PMPCB: variants seen among roughly 807,000 people sequenced by gnomAD.
PMPCB encodes the protein mitochondrial-processing peptidase subunit beta.
In PMPCB, 46 loss-of-function variants were observed where a neutral mutation model predicts 61.5. The observed-to-expected ratio is 0.75, with a 90% CI of 0.59 to 0.96. PMPCB has a LOEUF of 0.96. Among genes scored for constraint, PMPCB ranks in the 40% least tolerant of loss-of-function variants. PMPCB has a pLI of 0.00. For missense variants in PMPCB, 590 were observed against 602.4 expected (o/e 0.98, Z 0.22); for synonymous variants, 191 against 201.6 (o/e 0.95, Z 0.44).
intron 5 of PMPCB, 60 bp downstream of exon 5, chr7:103,304,100 T>A (rs1431621416): frequency 7.8e-7 from 1 of 1,288,300 alleles, no homozygotes; most frequent in Non-Finnish European, 1.1e-6. Flanking sequence ...AAATAAACAT[T>A]TACAAATTTT....
In PMPCB at chr7:103,313,513, A is replaced by G; in HGVS notation, c.*1242A>G. The G allele has an allele frequency of 1.0e-6, 1 of 984,606 alleles. No homozygotes were observed. Among genetic ancestry groups the G allele is most frequent in the Non-Finnish European group, 1.2e-6 (1 of 829,184 alleles). The allele number at this position is 984,606 out of a possible 1,614,324, so 61.0% of individuals were successfully genotyped here. ...ACAGAATAGGTAAAAGAGCTTCCTC[A>G]CAGTTAAACTTTTGCTGGATAGAAA... On this transcript the variant is annotated 3_prime_UTR_variant, in exon 13 of 13. Coordinates refer to ENST00000249269, the MANE Select transcript of PMPCB (RefSeq NM_004279.3).
chr7:103,315,471 G>A (rs762670882), downstream of PMPCB, among the ~76,000 whole-genome samples: 4 of 151,914 alleles, frequency 2.6e-5, no homozygotes, highest in Non-Finnish European at 5.9e-5. Flanking sequence ...CAATTATCCC[G>A]ATATAACACT....
the PMPCB span, chr7:103,337,706 T>C: frequency 7.1e-6 from 11 of 1,552,406 alleles, no homozygotes; most frequent in African/African-American, 6.8e-5. Flanking sequence ...TACAAGATAT[T>C]TGATTATTTC....
At chr7:103,306,382 C>CTTTTTTT (rs538586125) in intron 6 of PMPCB, among the ~76,000 whole-genome samples, 1 of 131,722 alleles carries the variant, frequency 7.6e-6, no homozygotes. Flanking sequence ...TTCCTGAGTT[C>CTTTTTTT]TTTTTTTTTT....
chr7:103,328,981 TC>T, exon 13 of PMPCB: 1 of 1,278,126 alleles, frequency 7.8e-7, no homozygotes, highest in Non-Finnish European at 1.0e-6. Context: ...CAAGTTATTT[TC>T]CAAAAGGCAA....
At chr7:103,319,197 G>A (rs575132005), downstream of PMPCB, among the ~76,000 whole-genome samples, 1 of 152,052 alleles carries the variant, frequency 6.6e-6, no homozygotes, top group Admixed American at 6.6e-5. Context: ...CCAGCACTTT[G>A]AGAAGCCTAC....
chr7:103,340,337 A>C, the PMPCB span, among the ~76,000 whole-genome samples: 1 of 152,168 alleles, frequency 6.6e-6, no homozygotes, highest in African/African-American at 2.4e-5. Flanking sequence ...TTTTCTTTTA[A>C]AATGGATGAG....
chr7:103,317,152 A>C (rs1713729596), downstream of PMPCB: 1 of 717,760 alleles, frequency 1.4e-6, no homozygotes, highest in Non-Finnish European at 2.3e-6. Flanking sequence ...AGGCCAACCC[A>C]AAAAGAAGCA....
In PMPCB at chr7:103,303,994, A is replaced by C. The variant is rs375620217; in HGVS notation, c.610A>C (p.Asn204His). Residue 204 changes from asparagine (N) to histidine (H), a missense_variant, in exon 5 of 13, where the codon AAT becomes CAT. Coordinates refer to ENST00000249269, the MANE Select transcript of PMPCB (RefSeq NM_004279.3). ...TTATCTTCATGCCACAGCTTATCAA[A>C]ATACTGCACTTGGACGGACAATTTT... ...FDYLHATAYQ[N>H]TALGRTILGP... The C allele has an allele frequency of 5.0e-6, 8 of 1,613,982 alleles. No individual in the cohort carries two copies. In the African/African-American group the frequency reaches 9.3e-5, roughly 19 times the overall value.
In PMPCB at chr7:103,314,660, A is replaced by T. The variant is rs1020916460; in HGVS notation, c.*2389A>T. 1 of 985,306 alleles carries T rather than the reference A, an allele frequency of 1.0e-6. No individual in the cohort carries two copies. Among genetic ancestry groups the T allele is most frequent in the Non-Finnish European group, 1.2e-6 (1 of 829,802 alleles). 61.0% of individuals were successfully genotyped at this position (985,306 alleles called of 1,614,324 possible). ...CCCTGCCTTGTTACTTACCTTTATT[A>T]AAAGAACCGAAATAATGCCTAACTC... On this transcript the variant is annotated 3_prime_UTR_variant, in exon 13 of 13. Transcript: ENST00000249269.
intron 6 of PMPCB, among the ~76,000 whole-genome samples, chr7:103,305,129 A>G (rs1240451433): frequency 6.6e-6 from 1 of 152,192 alleles, no homozygotes; most frequent in Non-Finnish European, 1.5e-5. Context: ...TTATTTCTTG[A>G]GAACCAACTT....
intron 4 of PMPCB, among the ~76,000 whole-genome samples, chr7:103,302,990 G>GT (rs149924270): frequency 4.0e-4 from 60 of 148,906 alleles, no homozygotes; most frequent in Admixed American, 9.4e-4. Context: ...ATGAAGCACA[G>GT]TTTTTTTTTT....
At chr7:103,297,636 A>C in intron 1 of PMPCB, 78 bp downstream of exon 1, 1 of 1,588,208 alleles carries the variant, frequency 6.3e-7, no homozygotes, top group Non-Finnish European at 8.6e-7. Flanking sequence ...TCGGCGCCAC[A>C]GATCCGAACA....
At chr7:103,299,650 A>C (rs982124609) in intron 3 of PMPCB, 121 bp downstream of exon 3, 9 of 574,692 alleles carry the variant, frequency 1.6e-5, no homozygotes, top group Non-Finnish European at 2.4e-5. Flanking sequence ...TTATTTTTCC[A>C]GGACAGTATC....
intron 6 of PMPCB, among the ~76,000 whole-genome samples, chr7:103,306,191 AAT>A (rs2115671420): frequency 6.6e-6 from 1 of 152,238 alleles, no homozygotes; most frequent in Non-Finnish European, 1.5e-5. Context: ...TTATTTGCCA[AAT>A]AGTTTTTTGT....
chr7:103,346,303 C>A, the PMPCB span, among the ~76,000 whole-genome samples: 10 of 151,944 alleles, frequency 6.6e-5, no homozygotes, highest in Non-Finnish European at 1.5e-5. Flanking sequence ...CAGCTAATTT[C>A]TGTATTTGTA....
chr7:103,301,637 G>A (rs888472209), intron 4 of PMPCB, among the ~76,000 whole-genome samples: 4 of 152,168 alleles, frequency 2.6e-5, no homozygotes, highest in African/African-American at 9.7e-5. Flanking sequence ...TTTCCCTGAG[G>A]AATGCAAAAT....
At chr7:103,325,174 T>C (rs1345014247) in intron 12 of PMPCB, among the ~76,000 whole-genome samples, 1 of 152,200 alleles carries the variant, frequency 6.6e-6, no homozygotes, top group Non-Finnish European at 1.5e-5. Context: ...CCAGGCGCGG[T>C]GGCTCATGCC....
intron 6 of PMPCB, among the ~76,000 whole-genome samples, 173 bp from the exon 7 acceptor site, chr7:103,307,423 T>G (rs767640076): frequency 6.6e-6 from 1 of 152,232 alleles, no homozygotes; most frequent in South Asian, 2.1e-4. Flanking sequence ...CTGTGCAACC[T>G]CAAGCTTTGC....
Sources: allele counts gnomAD v4.1 joint callset (sites outside exome capture counted in the v4.1 genomes callset), GRCh38; gene constraint gnomAD v4.1.1; transcripts MANE v1.5; gene names NCBI Gene and HGNC (gene_info 2026-07-23, HGNC 2026-07-21).